XIRP2: variants seen among roughly 807,000 people sequenced by gnomAD.
The protein encoded by XIRP2 is xin actin-binding repeat-containing protein 2.
A neutral mutation model predicts 277.0 loss-of-function variants in XIRP2; 236 were observed. The ratio of observed to expected loss-of-function variants is 0.85; its 90% CI spans 0.77 to 0.95. XIRP2 has a LOEUF of 0.95. XIRP2 is among the 40% of genes least tolerant of loss of function. XIRP2 has a pLI of 0.00. For synonymous variants in XIRP2, 1,490 were observed against 1,416.5 expected, an observed-to-expected ratio of 1.05 and a Z score of -1.17; for missense variants, 4,640 against 4,157.5, an observed-to-expected ratio of 1.12 and a Z score of -3.19.
At chr2:167,179,511 A>G (rs1692950082) in intron 3 of XIRP2, among the ~76,000 whole-genome samples, 1 of 151,842 alleles carries the variant, frequency 6.6e-6, no homozygotes, top group Admixed American at 6.6e-5. Flanking sequence ...TAGTAGTGAC[A>G]GGGTTTCACC....
At chr2:166,941,885 G>A (rs1253137992) in intron 2 of XIRP2, among the ~76,000 whole-genome samples, 1 of 152,116 alleles carries the variant, frequency 6.6e-6, no homozygotes, top group Non-Finnish European at 1.5e-5. Context: ...ATCTTTAATA[G>A]GAGATACCAA....
At chr2:167,152,990 G>A (rs191907522) in intron 3 of XIRP2, among the ~76,000 whole-genome samples, 19 of 152,188 alleles carry the variant, frequency 1.2e-4, no homozygotes, top group East Asian at 7.7e-4. Flanking sequence ...CAACCTCTGC[G>A]TGTATCTACA....
intron 3 of XIRP2, among the ~76,000 whole-genome samples, chr2:167,144,950 A>C (rs1691822578): frequency 6.6e-6 from 1 of 152,152 alleles, no homozygotes; most frequent in East Asian, 1.9e-4. Context: ...GAGTTTAAAT[A>C]ACTGCTGCAT....
At chr2:167,105,295 G>GTCACAA (rs909609511) in intron 2 of XIRP2, among the ~76,000 whole-genome samples, 2 of 151,806 alleles carry the variant, frequency 1.3e-5, no homozygotes, top group African/African-American at 4.8e-5. Context: ...CCATTTCCTA[G>GTCACAA]TCACAACCAC....
chr2:166,889,443 G>A (rs146346687), intron 1 of XIRP2: 1 of 152,656 alleles, frequency 6.6e-6, no homozygotes, highest in African/African-American at 2.4e-5. Flanking sequence ...GGGTAGGTGA[G>A]ACACAGCAGA....
In XIRP2 at chr2:167,250,766, C is replaced by A; in HGVS notation, c.9374C>A (p.Thr3125Lys). Residue 3125 changes from threonine to lysine, a missense_variant, in exon 9 of 11, where the codon ACA becomes AAA. By Grantham distance (78) the Thr-to-Lys change is moderately conservative (BLOSUM62 -1). Coordinates refer to ENST00000409195, the MANE Select transcript of XIRP2 (RefSeq NM_152381.6). ...KTRPPSPTFITIESTARRTEN... is the reference protein window; with the variant it reads ...KTRPPSPTFIKIESTARRTEN... ...CGCCCACCGTCACCAACTTTTATCA[C>A]AATAGAATCTACTGCCCGACGAACA... is the stretch of plus-strand genomic sequence containing the variant. 6.2e-7 allele frequency: 1 copy of A among 1,613,578 alleles called. No homozygotes were observed.
At chr2:167,185,055 T>C (rs147641612) in intron 3 of XIRP2, among the ~76,000 whole-genome samples, 7 of 152,292 alleles carry the variant, frequency 4.6e-5, no homozygotes, top group Admixed American at 4.6e-4. Context: ...AAACTGTTAT[T>C]AAATGAAGAA....
chr2:167,168,054 T>G (rs1692577604), intron 3 of XIRP2, among the ~76,000 whole-genome samples: 1 of 152,198 alleles, frequency 6.6e-6, no homozygotes, highest in Non-Finnish European at 1.5e-5. Flanking sequence ...CACTTCACTC[T>G]CTTCTTGCTT....
At chr2:167,253,543 T>C (rs1016010359) in intron 9 of XIRP2, among the ~76,000 whole-genome samples, 1 of 151,822 alleles carries the variant, frequency 6.6e-6, no homozygotes, top group African/African-American at 2.4e-5. Context: ...AAAACATATG[T>C]ATTTTAGAAA....
chr2:166,995,489 AC>A (rs1035956260), intron 2 of XIRP2, among the ~76,000 whole-genome samples: 5 of 152,170 alleles, frequency 3.3e-5, no homozygotes, highest in Non-Finnish European at 7.3e-5. Flanking sequence ...AGCAGTAAGA[AC>A]CTTTTTCTGC....
At chr2:167,045,235 A>G (rs762723162) in intron 2 of XIRP2, among the ~76,000 whole-genome samples, 4 of 152,016 alleles carry the variant, frequency 2.6e-5, no homozygotes, top group Non-Finnish European at 5.9e-5. Flanking sequence ...TCCTTTCACC[A>G]TACAGAAAAA....
rs1027580786 is a variant in XIRP2 at position 166,948,837 on chromosome 2, A to G, written c.408+44947A>G. ...AAAGACAAGAGAGCTGATTCCCAGA[A>G]CATTTGAAAAACACGGTTTTGTACA... On this transcript the variant is annotated intron_variant, in intron 2 of 10. Transcript: ENST00000409195. Among the ~76,000 whole-genome samples the G allele has an allele frequency of 1.3e-5, 2 of 152,198 alleles. 1 individual carries two copies. Among genetic ancestry groups the G allele is most frequent in the South Asian group, 4.1e-4 (2 of 4,828 alleles).
chr2:167,054,683 CA>C (rs5836129), intron 2 of XIRP2, among the ~76,000 whole-genome samples: 261 of 108,866 alleles, frequency 2.4e-3, no homozygotes, highest in Admixed American at 2.7e-3. Flanking sequence ...GACTCAGTCG[CA>C]AAAAAAAAAA....
At position 167,251,585 on chromosome 2, in the gene XIRP2, G is replaced by A. The variant is rs527854533; in HGVS notation, c.10193G>A (p.Arg3398Gln). Residue 3398 changes from arginine to glutamine, a missense_variant, in exon 9 of 11, where the codon CGA becomes CAA. By Grantham distance (43) the Arg-to-Gln change is conservative. Transcript: ENST00000409195. ...TCTTGCAAACATCCTAGAGAACTGCGAGAAAAGATTCCTGTTAAGCAGCCC... is the reference window on the plus strand; with the variant it reads ...TCTTGCAAACATCCTAGAGAACTGCAAGAAAAGATTCCTGTTAAGCAGCCC... ...DFSCKHPREL[R>Q]EKIPVKQPRI... 7 of 1,613,528 alleles carry A rather than the reference G, an allele frequency of 4.3e-6. No homozygotes were observed. The highest frequency in any genetic ancestry group is 1.7e-4 in the Middle Eastern group (1 of 6,052).
chr2:166,954,399 A>G (rs369883859), intron 2 of XIRP2, among the ~76,000 whole-genome samples: 1 of 152,006 alleles, frequency 6.6e-6, no homozygotes. Flanking sequence ...AATGGCAATT[A>G]TTAAAACGTC....
chr2:167,018,221 C>T (rs2105480696), intron 2 of XIRP2, among the ~76,000 whole-genome samples: 1 of 152,096 alleles, frequency 6.6e-6, no homozygotes, highest in Non-Finnish European at 1.5e-5. Context: ...GGAAGTTCCC[C>T]AGTACCATAG....
chr2:167,105,696 C>T (rs1207980556), intron 2 of XIRP2, among the ~76,000 whole-genome samples: 1 of 151,752 alleles, frequency 6.6e-6, no homozygotes, highest in East Asian at 1.9e-4. Flanking sequence ...TTAGGGGGAG[C>T]GTATGGTAGT....
At chr2:166,932,212 CT>C (rs1035587791) in intron 2 of XIRP2, among the ~76,000 whole-genome samples, 4 of 150,974 alleles carry the variant, frequency 2.6e-5, no homozygotes, top group African/African-American at 9.7e-5. Context: ...CTCTCTCTCT[CT>C]CTCTTTTTTT....
At chr2:167,108,182 T>G (rs1690659702) in intron 2 of XIRP2, among the ~76,000 whole-genome samples, 2 of 151,938 alleles carry the variant, frequency 1.3e-5, no homozygotes, top group South Asian at 4.1e-4. Flanking sequence ...ATCCACAAGT[T>G]ATGTATTAAT....
Sources: allele counts gnomAD v4.1 joint callset (sites outside exome capture counted in the v4.1 genomes callset), GRCh38; gene constraint gnomAD v4.1.1; transcripts MANE v1.5; gene names NCBI Gene and HGNC (gene_info 2026-07-23, HGNC 2026-07-21).